Variants in CABIN1 observed in about 807,000 individuals in gnomAD.
CABIN1 encodes calcineurin-binding protein cabin-1.
Under a neutral mutation model 227.7 loss-of-function variants are expected in CABIN1, and 133 were observed. That is an observed-to-expected ratio of 0.58 (90% confidence interval 0.51 to 0.67). The LOEUF (loss-of-function observed/expected upper bound fraction) is 0.67, where lower values mean the gene tolerates loss of function less well. Among genes scored for constraint, CABIN1 ranks in the 30% least tolerant of loss-of-function variants. The pLI is 0.00. For missense variants in CABIN1, 2,408 were observed against 2,852.5 expected, an observed-to-expected ratio of 0.84 and a Z score of 3.55; for synonymous variants, 1,086 against 1,155.1, an observed-to-expected ratio of 0.94 and a Z score of 1.21.
intron 29 of CABIN1, among the ~76,000 whole-genome samples, chr22:24,143,159 A>C (rs374961783): frequency 7.9e-5 from 12 of 152,246 alleles, no homozygotes; most frequent in East Asian, 5.8e-4. Context: ...GTACTTCACT[A>C]TGTATAGTGT....
intron 20 of CABIN1, 80 bp from the exon 21 acceptor site, chr22:24,084,499 C>T (rs117635268): frequency 0.01 from 11,450 of 1,103,106 alleles, 75 homozygotes; most frequent in Non-Finnish European, 0.013. Context: ...GGACAAAGTG[C>T]GTTTCTATGG....
At chr22:24,073,715 G>C (rs1431443838) in intron 18 of CABIN1, among the ~76,000 whole-genome samples, 1 of 152,160 alleles carries the variant, frequency 6.6e-6, no homozygotes, top group Admixed American at 6.5e-5. Context: ...AGGAAGAGCA[G>C]GGGCAGAGGA....
Position 24,044,619 on chromosome 22 carries a change from C to T in CABIN1, c.526+1535C>T, listed in dbSNP as rs193158343. On this transcript the variant is annotated intron_variant, in intron 6 of 36. Coordinates refer to ENST00000263119, the MANE Select transcript of CABIN1 (RefSeq NM_012295.4). The stretch of plus-strand genomic sequence containing the variant: ...CTATAAGCAGTCAGGAGGAACTGGG[C>T]TATGTCTTTAATACTTTGCTTAGAA... Among the ~76,000 whole-genome samples the T allele has an allele frequency of 3.5e-4, 53 of 152,300 alleles. No homozygotes were observed. In the East Asian group the frequency reaches 6.4e-3, roughly 18 times the overall value.
intron 27 of CABIN1, among the ~76,000 whole-genome samples, chr22:24,115,416 G>C (rs549015155): frequency 3.9e-5 from 6 of 152,338 alleles, no homozygotes; most frequent in African/African-American, 1.4e-4. Context: ...GAAAGTTAGG[G>C]TAGGACCAAA....
At chr22:24,135,743 A>G (rs968989377) in intron 29 of CABIN1, among the ~76,000 whole-genome samples, 1 of 152,106 alleles carries the variant, frequency 6.6e-6, no homozygotes, top group African/African-American at 2.4e-5. Flanking sequence ...CCTCTTACTC[A>G]TGGAGAAACT....
intron 18 of CABIN1, among the ~76,000 whole-genome samples, chr22:24,074,650 T>C (rs1569171907): frequency 6.6e-6 from 1 of 152,122 alleles, no homozygotes; most frequent in Non-Finnish European, 1.5e-5. Context: ...GTGAGGATAT[T>C]ATCACCCAGG....
intron 34 of CABIN1, among the ~76,000 whole-genome samples, chr22:24,174,893 C>T (rs1338042192): frequency 6.6e-6 from 1 of 151,974 alleles, no homozygotes; most frequent in Admixed American, 6.6e-5. Flanking sequence ...CTGTAGGCCA[C>T]ACACACCTCC....
intron 2 of CABIN1, 76 bp from the exon 3 acceptor site, chr22:24,036,013 A>G: frequency 1.1e-6 from 1 of 942,206 alleles, no homozygotes; most frequent in South Asian, 1.3e-5. Context: ...GCAGAATTGT[A>G]TTCATCTGTG....
intron 9 of CABIN1, among the ~76,000 whole-genome samples, chr22:24,055,988 A>G (rs1313872155): frequency 6.6e-6 from 1 of 152,204 alleles, no homozygotes; most frequent in African/African-American, 2.4e-5. Flanking sequence ...GGTCCTGTGA[A>G]GTCAAGAAAG....
At chr22:24,081,218 C>T (rs1311027284) in intron 19 of CABIN1, among the ~76,000 whole-genome samples, 8 of 152,084 alleles carry the variant, frequency 5.3e-5, no homozygotes, top group East Asian at 1.9e-4. Context: ...TCTTAACTCC[C>T]GGCCTACAAA....
At chr22:24,015,270 C>CAAAAA (rs1199906542) in intron 1 of CABIN1, among the ~76,000 whole-genome samples, 21 of 50,696 alleles carry the variant, frequency 4.1e-4, no homozygotes, top group South Asian at 1.0e-3. Context: ...AATCCATCTC[C>CAAAAA]AAAAAAAAAA....
intron 22 of CABIN1, among the ~76,000 whole-genome samples, chr22:24,085,500 A>G (rs1359200091): frequency 6.6e-6 from 1 of 152,184 alleles, no homozygotes; most frequent in Admixed American, 6.5e-5. Context: ...TCACAGCCCC[A>G]GAGTGTGTAC....
At chr22:24,057,228 G>A (rs1196204546) in intron 10 of CABIN1, among the ~76,000 whole-genome samples, 1 of 147,996 alleles carries the variant, frequency 6.8e-6, no homozygotes, top group African/African-American at 2.4e-5. Flanking sequence ...GAGCCACGGC[G>A]CCCGGCCAGT....
At chr22:24,084,891 C>T in intron 21 of CABIN1, 106 bp downstream of exon 21, 4 of 1,564,348 alleles carry the variant, frequency 2.6e-6, no homozygotes, top group South Asian at 1.1e-5. Context: ...CTGTACCAGA[C>T]TGAGGGGCAG....
Position 24,119,710 on chromosome 22 carries a change from C to T in CABIN1, c.4632+12C>T, listed in dbSNP as rs772313688. 1 of 1,612,430 alleles carries T rather than the reference C, an allele frequency of 6.2e-7. No homozygotes were observed. The highest frequency in any genetic ancestry group is 8.5e-7 in the Non-Finnish European group (1 of 1,178,866). On this transcript the variant is annotated intron_variant, in intron 28 of 36. Transcript: ENST00000263119. ...GCAAGACCCACCGGGTGAGTGGCTG[C>T]CGGGCCAAGGGGGCTTGGATCTTCC...
chr22:24,036,644 T>C (rs1328820453), intron 3 of CABIN1, among the ~76,000 whole-genome samples: 1 of 152,188 alleles, frequency 6.6e-6, no homozygotes, highest in Non-Finnish European at 1.5e-5. Flanking sequence ...CTCTTTCCCA[T>C]GAGGCCTGGC....
intron 13 of CABIN1, 34 bp from the exon 14 acceptor site, chr22:24,062,925 C>T (rs746155573): frequency 1.2e-6 from 2 of 1,602,098 alleles, no homozygotes; most frequent in Admixed American, 1.7e-5. Flanking sequence ...GAATGCTACA[C>T]ATGAAGTTGA....
At chr22:24,050,156 G>A (rs56049306) in intron 7 of CABIN1, among the ~76,000 whole-genome samples, 9,731 of 152,264 alleles carry the variant, frequency 0.064, 336 homozygotes, top group East Asian at 0.15. Context: ...TCCCCTGTGA[G>A]CCTGTCCCTC....
intron 26 of CABIN1, among the ~76,000 whole-genome samples, chr22:24,107,191 C>T (rs1315393328): frequency 6.6e-6 from 1 of 152,220 alleles, no homozygotes; most frequent in African/African-American, 2.4e-5. Flanking sequence ...TCTGCCACAG[C>T]AGCCCACCCC....
Sources: allele counts gnomAD v4.1 joint callset (sites outside exome capture counted in the v4.1 genomes callset), GRCh38; gene constraint gnomAD v4.1.1; transcripts MANE v1.5; gene names NCBI Gene and HGNC (gene_info 2026-07-23, HGNC 2026-07-21).